The following COL1A2 variants were observed in gnomAD, a reference collection of about 807,000 sequenced individuals.
COL1A2 encodes collagen type I alpha 2 chain, also known as collagen alpha-2(I) chain.
Under a neutral mutation model 174.3 loss-of-function variants are expected in COL1A2, and 49 were observed. The ratio of observed to expected loss-of-function variants is 0.28; its 90% CI spans 0.22 to 0.36. The LOEUF (loss-of-function observed/expected upper bound fraction) is 0.36. Among genes scored for constraint, COL1A2 ranks in the 10% least tolerant of loss-of-function variants. The pLI is 1.00. For missense variants in COL1A2, 1,438 were observed against 1,822.7 expected (o/e 0.79, Z 3.84); for synonymous variants, 655 against 606.6 (o/e 1.08, Z -1.17).
At chr7:94,406,432 C>A in intron 12 of COL1A2, 129 bp downstream of exon 12, 1 of 789,228 alleles carries the variant, frequency 1.3e-6, no homozygotes, top group Non-Finnish European at 2.1e-6. Flanking sequence ...CTTTCCTGTA[C>A]TTCAAATCCC....
intron 46 of COL1A2, 60 bp from the exon 47 acceptor site, chr7:94,426,948 A>G: frequency 6.5e-7 from 1 of 1,543,994 alleles, no homozygotes; most frequent in Non-Finnish European, 8.9e-7. Context: ...GGAAAAAAAA[A>G]AAAAATATGT....
At position 94,430,211 on chromosome 7, in the gene COL1A2, G is replaced by A. The variant is rs750538353; in HGVS notation, c.3955-36G>A. On this transcript the variant is annotated intron_variant, in intron 51 of 51. Coordinates refer to ENST00000297268, the MANE Select transcript of COL1A2 (RefSeq NM_000089.4). ...AGATATTATCAGATTCAGAAATAGTGATGCTTTGTGTATCTATTTTCTTCT... is the reference window on the plus strand; with the variant it reads ...AGATATTATCAGATTCAGAAATAGTAATGCTTTGTGTATCTATTTTCTTCT... The A allele has an allele frequency of 3.1e-6, 5 of 1,596,936 alleles. No homozygotes were observed. In the African/African-American group the frequency reaches 5.4e-5, roughly 17 times the overall value.
chr7:94,419,377 T>C, intron 33 of COL1A2, 121 bp from the exon 34 acceptor site: 1 of 1,155,256 alleles, frequency 8.7e-7, no homozygotes, highest in Non-Finnish European at 1.3e-6. Context: ...CTTCTAGATA[T>C]CCAACCAGAG....
At chr7:94,408,512 T>A in intron 15 of COL1A2, 132 bp downstream of exon 15, 1 of 1,213,826 alleles carries the variant, frequency 8.2e-7, no homozygotes, top group South Asian at 1.3e-5. Context: ...TTTTGAAGGC[T>A]CCATTTATAA....
At chr7:94,419,641 G>T (rs913701631) in intron 34 of COL1A2, 90 bp downstream of exon 34, 43 of 1,408,048 alleles carry the variant, frequency 3.1e-5, no homozygotes, top group African/African-American at 8.5e-5. Flanking sequence ...CATTTTTATG[G>T]CTTGGTATAA....
intron 38 of COL1A2, 144 bp from the exon 39 acceptor site, chr7:94,421,755 T>C: frequency 1.3e-6 from 1 of 799,262 alleles, no homozygotes; most frequent in Non-Finnish European, 2.2e-6. Context: ...GGCTAAATAA[T>C]GCCCTATATG....
chr7:94,427,577 T>C, intron 48 of COL1A2, 50 bp from the exon 49 acceptor site: 1 of 1,607,850 alleles, frequency 6.2e-7, no homozygotes, highest in Admixed American at 1.7e-5. Flanking sequence ...TGGATGTCTC[T>C]CACTGTAACA....
chr7:94,410,966 C>A, intron 22 of COL1A2, 24 bp downstream of exon 22: 1 of 1,613,152 alleles, frequency 6.2e-7, no homozygotes, highest in Admixed American at 1.7e-5. Context: ...CACTTACTTC[C>A]TAGAAAGGGG....
At chr7:94,413,258 CT>C in intron 26 of COL1A2, 122 bp downstream of exon 26, 3 of 997,682 alleles carry the variant, frequency 3.0e-6, no homozygotes, top group Non-Finnish European at 3.2e-6. Context: ...CCCAGGGGTC[CT>C]TTTACTATCA....
chr7:94,414,268 G>C lies in COL1A2; in HGVS notation c.1712G>C (p.Gly571Ala). ...SGPAGEVGKP[G>A]ERGLHGEFGL... is the part of the protein sequence containing the mutation. ...CCCGCTGGTGAAGTTGGCAAACCAGGAGAAAGGGTGAGTAAAACAAGTAAT... is the reference window on the plus strand; with the variant it reads ...CCCGCTGGTGAAGTTGGCAAACCAGCAGAAAGGGTGAGTAAAACAAGTAAT... The change falls in exon 29 of 52, where the codon GGA (glycine) becomes GCA (alanine). Residue 571 changes from glycine to alanine, a missense_variant. Physicochemically the swap from Gly to Ala is moderately conservative, Grantham distance 60. Around this residue, in one of 3 missense-constraint regions of COL1A2, gnomAD observed 867 missense variants for 1,213.7 expected, o/e 0.71. Transcript: ENST00000297268. 6.2e-7 allele frequency: 1 copy of C among 1,614,056 alleles called. No homozygotes were observed. The highest frequency in any genetic ancestry group is 2.2e-5 in the East Asian group (1 of 44,870).
chr7:94,396,140 G>A (rs1791578184), intron 1 of COL1A2, among the ~76,000 whole-genome samples: 1 of 152,122 alleles, frequency 6.6e-6, no homozygotes, highest in Non-Finnish European at 1.5e-5. Flanking sequence ...CATGTCAACA[G>A]AGAATGAAGA....
intron 41 of COL1A2, chr7:94,424,677 G>T (rs918315454): frequency 1.9e-6 from 1 of 540,232 alleles, no homozygotes; most frequent in Non-Finnish European, 3.3e-6. Flanking sequence ...TTCTTTCCAC[G>T]CACTTAGGAA....
At chr7:94,407,781 A>G (rs776565764) in intron 12 of COL1A2, 66 bp from the exon 13 acceptor site, 1 of 1,433,234 alleles carries the variant, frequency 7.0e-7, no homozygotes, top group Non-Finnish European at 9.8e-7. Flanking sequence ...AATAGAGTAA[A>G]ATTGCACTAT....
rs754443174 is a variant in COL1A2 at position 94,418,551 on chromosome 7, G to C, written c.2024G>C (p.Arg675Pro). The C allele has an allele frequency of 1.9e-6, 3 of 1,613,064 alleles. No homozygotes were observed. In the East Asian group the frequency reaches 6.7e-5, roughly 36 times the overall value. Reference sequence around the variant, plus strand: ...GGTAACCCTGGCAGAGATGGTGCTCGTGTGAGTAGAATTTTGTTTGTATGT... The same window carrying C: ...GGTAACCCTGGCAGAGATGGTGCTCCTGTGAGTAGAATTTTGTTTGTATGT... ...EIGNPGRDGA[R>P]GAPGAVGAPG... is the part of the protein sequence containing the mutation. Residue 675 changes from arginine to proline, a missense_variant and splice_region_variant, in exon 33 of 52, where the codon CGT (arginine) becomes CCT (proline). Around this residue, in one of 3 missense-constraint regions of COL1A2, gnomAD observed 867 missense variants for 1,213.7 expected, o/e 0.71. Coordinates refer to ENST00000297268, the MANE Select transcript of COL1A2 (RefSeq NM_000089.4).
Position 94,427,120 on chromosome 7 carries a change from A to T in COL1A2, c.3159+59A>T, listed in dbSNP as rs971561705. The T allele has an allele frequency of 3.1e-6, 5 of 1,604,786 alleles. No individual in the cohort carries two copies. The African/African-American group carries it at 5.4e-5, about 17-fold the overall frequency. ...GAAATAGAGGCTAAAGCGAGCAGTG[A>T]GCCCCAGGCTGCTGCTCCCTTGGTG... On this transcript the variant is annotated intron_variant, in intron 47 of 51. Coordinates refer to ENST00000297268, the MANE Select transcript of COL1A2 (RefSeq NM_000089.4).
intron 2 of COL1A2, among the ~76,000 whole-genome samples, 196 bp downstream of exon 2, chr7:94,397,954 G>A (rs567722714): frequency 1.3e-5 from 2 of 151,988 alleles, no homozygotes; most frequent in African/African-American, 2.4e-5. Context: ...AATAGGCGGG[G>A]CTACTGAATA....
At chr7:94,412,991 C>G (rs1233266376) in intron 25 of COL1A2, 92 bp from the exon 26 acceptor site, 2 of 1,255,222 alleles carry the variant, frequency 1.6e-6, no homozygotes, top group African/African-American at 2.9e-5. Flanking sequence ...AACACAAAAA[C>G]AAGCAGGATT....
Position 94,430,286 on chromosome 7 carries a change from A to G in COL1A2, c.3994A>G (p.Lys1332Glu). The part of the protein sequence containing the change: ...NEWGKTIIEY[K>E]TNKPSRLPFL... Reference sequence around the variant, plus strand: ...ATGGGGAAAGACAATCATTGAATACAAAACAAATAAGCCATCACGCCTGCC... The same window carrying G: ...ATGGGGAAAGACAATCATTGAATACGAAACAAATAAGCCATCACGCCTGCC... Residue 1332 changes from lysine (K) to glutamate (E), a missense_variant, in exon 52 of 52, where the codon AAA becomes GAA. This residue lies in a region of COL1A2 where 290 missense variants were observed against 298.1 expected (regional missense o/e 0.97). Transcript: ENST00000297268. 6.2e-7 allele frequency: 1 copy of G among 1,614,092 alleles called. No homozygotes were observed. Among genetic ancestry groups the G allele is most frequent in the Non-Finnish European group, 8.5e-7 (1 of 1,179,958 alleles).
At chr7:94,409,635 T>C (rs1042898335) in intron 18 of COL1A2, 27 bp downstream of exon 18, 5 of 1,613,966 alleles carry the variant, frequency 3.1e-6, no homozygotes, top group Non-Finnish European at 3.4e-6. Context: ...AGCTAAAATG[T>C]GCTGCTATGA....
Sources: allele counts gnomAD v4.1 joint callset (sites outside exome capture counted in the v4.1 genomes callset), GRCh38; gene constraint gnomAD v4.1.1; regional missense constraint gnomAD v4.1.1; transcripts MANE v1.5; gene names NCBI Gene and HGNC (gene_info 2026-07-23, HGNC 2026-07-21).